Variants in ADSL observed in about 807,000 individuals in gnomAD.
ADSL encodes the protein adenylosuccinase.
ADSL carries 44 observed loss-of-function variants against 62.1 expected under a neutral mutation model. The observed-to-expected ratio is 0.71, with a 90% CI of 0.56 to 0.91. The LOEUF (loss-of-function observed/expected upper bound fraction) is 0.91, where lower values mean the gene tolerates loss of function less well. Ranked by LOEUF, ADSL falls within the 40% of genes least tolerant of loss-of-function variation. The pLI is 0.00. For missense variants in ADSL, 531 were observed against 627.4 expected (o/e 0.85, Z 1.64); for synonymous variants, 198 against 220.5 (o/e 0.90, Z 0.90).
At chr22:40,365,734 G>C (rs1353760987) in intron 12 of ADSL, among the ~76,000 whole-genome samples, 1 of 151,922 alleles carries the variant, frequency 6.6e-6, no homozygotes, top group East Asian at 1.9e-4. Flanking sequence ...AGCCAGGTGT[G>C]GTGGTGTGCG....
At position 40,364,969 on chromosome 22, in the gene ADSL, C is replaced by T; in HGVS notation, c.1281C>T (p.Ile427=). The change falls in exon 12 of 13, where the codon ATC becomes ATT. Residue 427 remains isoleucine (I), a synonymous_variant. Coordinates refer to ENST00000623063, the MANE Select transcript of ADSL (RefSeq NM_000026.4). The part of the protein sequence containing the change: ...EGGDNDLIER[I]QVDAYFSPIH... The stretch of plus-strand genomic sequence containing the variant: ...GTGACAATGACCTCATAGAGCGTAT[C>T]CAGGTTGATGCCTACTTCAGTCCCA... 1 of 1,614,040 alleles carries T rather than the reference C, an allele frequency of 6.2e-7. No individual in the cohort carries two copies. The highest frequency in any genetic ancestry group is 8.5e-7 in the Non-Finnish European group (1 of 1,179,926).
chr22:40,351,479 A>T (rs2044346300), intron 2 of ADSL, among the ~76,000 whole-genome samples: 1 of 150,804 alleles, frequency 6.6e-6, no homozygotes, highest in Admixed American at 6.6e-5. Context: ...GCAAATTTTT[A>T]AAATATTTAT....
At chr22:40,360,144 T>C (rs1403861998) in intron 6 of ADSL, among the ~76,000 whole-genome samples, 1 of 152,188 alleles carries the variant, frequency 6.6e-6, no homozygotes, top group East Asian at 1.9e-4. Context: ...ACCACTCAGG[T>C]CCACTGGTTG....
At chr22:40,376,504 C>T (rs1458846297) in intron 2 of ADSL, 1 of 152,138 alleles carries the variant, frequency 6.6e-6, no homozygotes, top group Non-Finnish European at 1.5e-5. Context: ...TGTCATGCCT[C>T]ATTTCTCTCA....
rs765353500 is a variant in ADSL, at chr22:40,358,948, C to T, written c.567C>T (p.Val189=). 1.8e-5 allele frequency: 29 copies of T among 1,614,058 alleles called. No homozygotes were observed. In the African/African-American group the frequency reaches 3.9e-4, roughly 22 times the overall value. The part of the protein sequence containing the change: ...LCMDLQNLKR[V]RDDLRFRGVK... ...TGGATCTCCAGAACTTGAAGCGTGT[C>T]CGAGATGACCTGCGCTTCCGGGGAG... Residue 189 remains valine (V), a synonymous_variant, in exon 5 of 13, where the codon GTC becomes GTT. Coordinates refer to ENST00000623063, the MANE Select transcript of ADSL (RefSeq NM_000026.4).
chr22:40,357,686 T>C (rs1212681625), intron 4 of ADSL, among the ~76,000 whole-genome samples: 2 of 152,260 alleles, frequency 1.3e-5, no homozygotes, highest in African/African-American at 2.4e-5. Context: ...AAGGCTTTCC[T>C]CTACTTCCAA....
intron 2 of ADSL, 74 bp downstream of exon 2, chr22:40,350,109 AG>A (rs1333284897): frequency 7.1e-7 from 1 of 1,406,016 alleles, no homozygotes; most frequent in Non-Finnish European, 1.0e-6. Flanking sequence ...GATGTTGTCC[AG>A]TTGAGGAAGT....
intron 4 of ADSL, among the ~76,000 whole-genome samples, chr22:40,357,468 G>T (rs962907187): frequency 2.0e-5 from 3 of 151,892 alleles, no homozygotes; most frequent in Non-Finnish European, 4.4e-5. Flanking sequence ...GGTCAGGCTG[G>T]TCTCAAACTC....
In ADSL at chr22:40,365,024, CCTT is replaced by C. The variant is rs796052252; in HGVS notation, c.1343_1345del (p.Ser448del). 47 of 1,613,990 alleles carry C rather than the reference CCTT, an allele frequency of 2.9e-5. No homozygotes were observed. Among genetic ancestry groups the C allele is most frequent in the Admixed American group, 3.3e-5 (2 of 59,996 alleles). ...CTCCCAGTTGGATCATTTACTGGAT[CCTT>C]CTTCTTTCACTGGTCGTGCCTCCCA... On this transcript the variant is annotated inframe_deletion, in exon 12 of 13. Transcript: ENST00000623063.
chr22:40,361,374 A>G (rs369244539), intron 8 of ADSL, 32 bp downstream of exon 8: 3 of 1,612,964 alleles, frequency 1.9e-6, no homozygotes, highest in Non-Finnish European at 2.5e-6. Context: ...GTGAGCACAC[A>G]TTGCTGCTGG....
chr22:40,357,417 C>T (rs1438498566), intron 4 of ADSL, among the ~76,000 whole-genome samples: 1 of 151,862 alleles, frequency 6.6e-6, no homozygotes, highest in African/African-American at 2.4e-5. Flanking sequence ...CCACGCCTGG[C>T]TAATTTTGTA....
chr22:40,374,818 G>A (rs969630371), intron 2 of ADSL, among the ~76,000 whole-genome samples: 4 of 152,152 alleles, frequency 2.6e-5, no homozygotes, highest in African/African-American at 9.7e-5. Flanking sequence ...TCAGGAGGTC[G>A]AAGTTGCAGC....
rs371706528 is a variant in ADSL at position 40,364,374 on chromosome 22, C to T, written c.1191+9C>T. On this transcript the variant is annotated intron_variant, in intron 11 of 12. Transcript: ENST00000623063. ...CTGGAGGTAGCCGCCAGGTTTGTAA[C>T]CCCTCATGTTCCTGGATAAGTTGAG... The T allele has an allele frequency of 7.4e-5, 119 of 1,612,394 alleles. No individual in the cohort carries two copies. In the African/African-American group the frequency reaches 1.5e-3, roughly 20 times the overall value.
intron 2 of ADSL, among the ~76,000 whole-genome samples, chr22:40,384,562 C>T (rs548444805): frequency 3.3e-5 from 5 of 152,286 alleles, no homozygotes; most frequent in African/African-American, 9.6e-5. Context: ...GGGCGGATCA[C>T]GAGGTCAGGA....
intron 2 of ADSL, among the ~76,000 whole-genome samples, chr22:40,384,342 C>A (rs1420110979): frequency 1.3e-5 from 2 of 152,106 alleles, no homozygotes; most frequent in Non-Finnish European, 2.9e-5. Flanking sequence ...TAAAAAGAAT[C>A]ATCTGAGATA....
At chr22:40,357,541 T>C (rs894789397) in intron 4 of ADSL, among the ~76,000 whole-genome samples, 17 of 151,316 alleles carry the variant, frequency 1.1e-4, no homozygotes, top group Non-Finnish European at 1.2e-4. Flanking sequence ...GCATGAGCCA[T>C]GGCACCCTAC....
At chr22:40,382,994 A>G (rs986872348) in intron 2 of ADSL, among the ~76,000 whole-genome samples, 6 of 152,344 alleles carry the variant, frequency 3.9e-5, no homozygotes, top group South Asian at 2.1e-4. Flanking sequence ...CTGAAATACT[A>G]TGGAAGGTTT....
chr22:40,353,917 C>A, intron 3 of ADSL: 2 of 401,754 alleles, frequency 5.0e-6, no homozygotes, highest in South Asian at 2.3e-5. Flanking sequence ...TGAGCCACCG[C>A]GCCCGGCCCA....
At chr22:40,383,130 T>C (rs1336756056) in intron 2 of ADSL, among the ~76,000 whole-genome samples, 1 of 152,174 alleles carries the variant, frequency 6.6e-6, no homozygotes, top group Non-Finnish European at 1.5e-5. Flanking sequence ...TGAAGAGCTT[T>C]CAGTTTATAG....
Sources: allele counts gnomAD v4.1 joint callset (sites outside exome capture counted in the v4.1 genomes callset), GRCh38; gene constraint gnomAD v4.1.1; transcripts MANE v1.5; gene names NCBI Gene and HGNC (gene_info 2026-07-23, HGNC 2026-07-21).